COL26A1: variants seen among roughly 807,000 people sequenced by gnomAD.
The protein encoded by COL26A1 is collagen type XXVI alpha 1 chain, also known as collagen alpha-1(XXVI) chain.
Under a neutral mutation model 59.3 loss-of-function variants are expected in COL26A1, and 41 were observed. That is an observed-to-expected ratio of 0.69 (90% CI 0.54 to 0.90). The LOEUF (loss-of-function observed/expected upper bound fraction) is 0.90, where lower values mean the gene tolerates loss of function less well. COL26A1 is among the 40% of genes least tolerant of loss of function. The pLI, the probability that COL26A1 is intolerant of heterozygous loss-of-function variation, is 0.00. For synonymous variants in COL26A1, 266 were observed against 256.0 expected, an observed-to-expected ratio of 1.04 and a Z score of -0.37; for missense variants, 612 against 602.3, an observed-to-expected ratio of 1.02 and a Z score of -0.17.
At chr7:101,445,270 A>G (rs1008155353) in intron 2 of COL26A1, among the ~76,000 whole-genome samples, 7 of 152,152 alleles carry the variant, frequency 4.6e-5, no homozygotes, top group South Asian at 2.1e-4. Flanking sequence ...ACTGTATTAG[A>G]CTGTTCTTGT....
At chr7:101,517,596 A>G (rs1413790070) in intron 3 of COL26A1, among the ~76,000 whole-genome samples, 5 of 152,102 alleles carry the variant, frequency 3.3e-5, no homozygotes, top group Admixed American at 6.6e-5. Context: ...GACCTGCCCC[A>G]TGATTCAATT....
intron 3 of COL26A1, among the ~76,000 whole-genome samples, chr7:101,469,321 C>T (rs918517240): frequency 2.6e-5 from 4 of 152,202 alleles, no homozygotes; most frequent in Admixed American, 2.6e-4. Context: ...AAATACATTG[C>T]TCCAATTCTC....
At chr7:101,382,184 G>T (rs1203477190) in intron 1 of COL26A1, among the ~76,000 whole-genome samples, 1 of 152,110 alleles carries the variant, frequency 6.6e-6, no homozygotes, top group Non-Finnish European at 1.5e-5. Context: ...GAGTGGCTGG[G>T]ACTGCAGGTG....
intron 3 of COL26A1, among the ~76,000 whole-genome samples, chr7:101,483,181 TAGAA>T (rs982651893): frequency 4.0e-5 from 6 of 151,262 alleles, no homozygotes; most frequent in African/African-American, 1.2e-4. Context: ...ACCCTCAAAA[TAGAA>T]AGAAAGAAAT....
chr7:101,553,010 A>G (rs1168000118), intron 10 of COL26A1, among the ~76,000 whole-genome samples: 2 of 152,198 alleles, frequency 1.3e-5, no homozygotes, highest in African/African-American at 2.4e-5. Flanking sequence ...CAGGCTACTC[A>G]ATCCTGGAAG....
At chr7:101,443,066 TGTGA>T (rs1417643826) in intron 2 of COL26A1, among the ~76,000 whole-genome samples, 1 of 152,202 alleles carries the variant, frequency 6.6e-6, no homozygotes, top group Non-Finnish European at 1.5e-5. Flanking sequence ...TGTGCATGTA[TGTGA>T]GTGTGTGTTT....
intron 1 of COL26A1, among the ~76,000 whole-genome samples, chr7:101,411,433 C>A (rs2130241811): frequency 6.6e-6 from 1 of 152,028 alleles, no homozygotes; most frequent in Non-Finnish European, 1.5e-5. Context: ...GCTGGGAGGG[C>A]AGGAGGGGCC....
intron 1 of COL26A1, among the ~76,000 whole-genome samples, chr7:101,367,339 G>C (rs1295090619): frequency 6.6e-6 from 1 of 152,144 alleles, no homozygotes; most frequent in Non-Finnish European, 1.5e-5. Flanking sequence ...TGTGAGGGCT[G>C]TGCCCCATTA....
At chr7:101,555,949 G>C in intron 12 of COL26A1, 78 bp downstream of exon 12, 1 of 1,263,782 alleles carries the variant, frequency 7.9e-7, no homozygotes. Flanking sequence ...CATGGCTGCT[G>C]CCTAGGGTCT....
chr7:101,426,205 C>T (rs932155894), intron 2 of COL26A1, among the ~76,000 whole-genome samples: 5 of 152,110 alleles, frequency 3.3e-5, no homozygotes, highest in Admixed American at 1.3e-4. Flanking sequence ...ATTCCCTGAG[C>T]GAGCAGAGCC....
Position 101,363,157 on chromosome 7 carries a change from C to G in COL26A1, c.125C>G (p.Ala42Gly), listed in dbSNP as rs1441842966. 6.6e-7 allele frequency: 1 copy of G among 1,510,952 alleles called. No individual in the cohort carries two copies. Among genetic ancestry groups the G allele is most frequent in the African/African-American group, 1.4e-5 (1 of 69,180 alleles). The allele number at this position is 1,510,952 out of a possible 1,614,324, so 93.6% of individuals were successfully genotyped here. ...CAGCACGGCTACCCCGAGCCCGGCG[C>G]CGGCTCCCCTGGCAGCGGCTACGCG... ...LQQHGYPEPG[A>G]GSPGSGYASR... Residue 42 changes from alanine (A) to glycine (G), a missense_variant, in exon 1 of 13, where the codon GCC becomes GGC. Transcript: ENST00000313669.
intron 3 of COL26A1, among the ~76,000 whole-genome samples, chr7:101,505,886 A>G (rs1467602513): frequency 6.6e-6 from 1 of 152,200 alleles, no homozygotes; most frequent in African/African-American, 2.4e-5. Flanking sequence ...TAAGACGGGG[A>G]AACTGAGGCC....
At chr7:101,531,717 C>G (rs982095268) in intron 3 of COL26A1, among the ~76,000 whole-genome samples, 4 of 152,116 alleles carry the variant, frequency 2.6e-5, no homozygotes, top group African/African-American at 2.4e-5. Context: ...GAGACTCCCC[C>G]CAACTCCCCG....
chr7:101,387,694 A>G (rs1791612668), intron 1 of COL26A1, among the ~76,000 whole-genome samples: 1 of 137,814 alleles, frequency 7.3e-6, no homozygotes, highest in Non-Finnish European at 1.5e-5. Context: ...GAGAGATTTT[A>G]TATATATATT....
At chr7:101,489,687 T>G (rs375252579) in intron 3 of COL26A1, among the ~76,000 whole-genome samples, 570 of 15,908 alleles carry the variant, frequency 0.036, 40 homozygotes, top group Admixed American at 0.07. Context: ...CTTCCTTTCT[T>G]TCTTTCTTTC....
chr7:101,551,602 C>T (rs896385477), intron 10 of COL26A1, among the ~76,000 whole-genome samples: 12 of 152,138 alleles, frequency 7.9e-5, no homozygotes, highest in African/African-American at 2.9e-4. Flanking sequence ...CAAAAATTAG[C>T]TGAGTGTGGT....
At chr7:101,519,160 CACAGGT>C (rs1795089509) in intron 3 of COL26A1, among the ~76,000 whole-genome samples, 1 of 152,202 alleles carries the variant, frequency 6.6e-6, no homozygotes, top group Admixed American at 6.5e-5. Flanking sequence ...TGGCAGGTGA[CACAGGT>C]ACAGATATGG....
chr7:101,364,257 G>A (rs1790987650), intron 1 of COL26A1, among the ~76,000 whole-genome samples: 1 of 152,136 alleles, frequency 6.6e-6, no homozygotes, highest in Admixed American at 6.5e-5. Context: ...TTCTCATTTA[G>A]TGATAACTAC....
At chr7:101,488,533 G>A (rs796650463) in intron 3 of COL26A1, among the ~76,000 whole-genome samples, 4 of 150,708 alleles carry the variant, frequency 2.7e-5, no homozygotes, top group East Asian at 2.0e-4. Context: ...CCGCCACCAC[G>A]CCCGGCTATT....
Sources: allele counts gnomAD v4.1 joint callset (sites outside exome capture counted in the v4.1 genomes callset), GRCh38; gene constraint gnomAD v4.1.1; transcripts MANE v1.5; gene names NCBI Gene and HGNC (gene_info 2026-07-23, HGNC 2026-07-21).